SHF: variants seen among roughly 807,000 people sequenced by gnomAD.
The protein encoded by SHF is SH2 domain-containing adapter protein F.
A neutral mutation model predicts 42.4 loss-of-function variants in SHF; 30 were observed. That is an observed-to-expected ratio of 0.71 (90% CI 0.53 to 0.96). SHF has a LOEUF of 0.96. SHF is among the 40% of genes least tolerant of loss of function. The pLI is 0.00. For synonymous variants in SHF, 264 were observed against 269.9 expected (o/e 0.98, Z 0.21); for missense variants, 598 against 634.0 (o/e 0.94, Z 0.61).
At chr15:45,196,601 A>G (rs557606501) in intron 2 of SHF, among the ~76,000 whole-genome samples, 10 of 151,974 alleles carry the variant, frequency 6.6e-5, no homozygotes, top group African/African-American at 1.9e-4. Flanking sequence ...TCCTTACTAT[A>G]GAGTTAAGAG....
In SHF at chr15:45,170,663, T is replaced by C. The variant is rs1897433168; in HGVS notation, c.1280+1220A>G. ...TCTTTTTCTTTTTTTTTTTTTTTTT[T>C]TTCTGAGACAGAGTCTTGCTGTTGT... On this transcript the variant is annotated intron_variant, in intron 6 of 6. Coordinates refer to ENST00000690270, the MANE Select transcript of SHF (RefSeq NM_001394037.1). 14 of 333,494 alleles carry C rather than the reference T, an allele frequency of 4.2e-5. 1 individual carries two copies. Among genetic ancestry groups the C allele is most frequent in the Middle Eastern group, 1.1e-3 (1 of 948 alleles). 20.7% of individuals were successfully genotyped at this position (333,494 alleles called of 1,614,324 possible).
At chr15:45,171,840 C>T (rs1246393132) in intron 6 of SHF, 43 bp downstream of exon 6, 1 of 1,595,524 alleles carries the variant, frequency 6.3e-7, no homozygotes, top group Non-Finnish European at 8.6e-7. Flanking sequence ...AGTCCCCTTC[C>T]ACCCTGCTTG....
intron 2 of SHF, among the ~76,000 whole-genome samples, chr15:45,177,071 T>C (rs564665989): frequency 4.6e-5 from 7 of 152,224 alleles, no homozygotes; most frequent in Non-Finnish European, 1.0e-4. Context: ...TCTTGACCAC[T>C]CTCTGCCTCC....
At chr15:45,175,880 A>G (rs1897782353) in intron 2 of SHF, among the ~76,000 whole-genome samples, 1 of 146,946 alleles carries the variant, frequency 6.8e-6, no homozygotes, top group Non-Finnish European at 1.5e-5. Flanking sequence ...GTGCAATGGC[A>G]CGATCTCGGC....
intron 1 of SHF, among the ~76,000 whole-genome samples, chr15:45,186,265 G>A (rs1023407714): frequency 6.6e-6 from 1 of 152,258 alleles, no homozygotes; most frequent in African/African-American, 2.4e-5. Flanking sequence ...AAAATAATTT[G>A]CATTCCTGAG....
intron 2 of SHF, chr15:45,198,671 T>A (rs1898958996): frequency 6.8e-7 from 1 of 1,464,538 alleles, no homozygotes; most frequent in Non-Finnish European, 9.2e-7. Flanking sequence ...CACTATACGA[T>A]CACGGCGAGC....
chr15:45,198,775 G>A (rs376955677), exon 2 of SHF: 51 of 1,608,246 alleles, frequency 3.2e-5, no homozygotes, highest in Non-Finnish European at 4.3e-5. Flanking sequence ...TACTTACGGG[G>A]CGAGGTTCCA....
At position 45,199,092 on chromosome 15, in the gene SHF, A is replaced by G. The variant is rs772870057; in HGVS notation, c.-18T>C. 8 of 1,551,134 alleles carry G rather than the reference A, an allele frequency of 5.2e-6. 1 individual carries two copies. Among genetic ancestry groups the G allele is most frequent in the South Asian group, 2.4e-5 (2 of 84,256 alleles). On this transcript the variant is annotated 5_prime_UTR_variant, in exon 2 of 8. Transcript: ENST00000290894. ...TGCTGCATCCTCCAGCGGTGACCCA[A>G]TGCCGCCTCTGTGGAGATTGTGGAC... is the stretch of plus-strand genomic sequence containing the variant.
At chr15:45,194,779 C>A (rs758757297) in intron 2 of SHF, among the ~76,000 whole-genome samples, 30 of 152,152 alleles carry the variant, frequency 2.0e-4, no homozygotes, top group Non-Finnish European at 2.9e-4. Context: ...TTGAAAGAAA[C>A]CTTACTCCTT....
upstream of SHF, among the ~76,000 whole-genome samples, chr15:45,189,063 G>T (rs1454741204): frequency 6.6e-6 from 1 of 151,808 alleles, no homozygotes; most frequent in African/African-American, 2.4e-5. Context: ...TGTGGTGGCG[G>T]GCACCTGTAG....
chr15:45,196,400 C>T (rs562959185), intron 2 of SHF, among the ~76,000 whole-genome samples: 10 of 152,294 alleles, frequency 6.6e-5, no homozygotes, highest in African/African-American at 2.4e-4. Flanking sequence ...GGCTGACTTC[C>T]TCTGAAATAT....
intron 2 of SHF, among the ~76,000 whole-genome samples, chr15:45,196,688 G>C (rs1382073143): frequency 6.6e-6 from 1 of 151,986 alleles, no homozygotes; most frequent in Non-Finnish European, 1.5e-5. Context: ...ACGAGGTCAG[G>C]AGATCGAGAC....
chr15:45,187,922 G>C lies in SHF; in HGVS notation c.30C>G (p.Gly10=). 2.5e-6 allele frequency: 3 copies of C among 1,178,646 alleles called. No individual in the cohort carries two copies. The allele number at this position is 1,178,646 out of a possible 1,614,324, so 73.0% of individuals were successfully genotyped here. MLLSGAPPA[G]SRPGPRTQGS... is the part of the protein sequence containing the mutation. ...CCTGCGTTCGCGGCCCCGGGCGGGA[G>C]CCAGCCGGAGGAGCTCCGCTCAGTA... is the stretch of plus-strand genomic sequence containing the variant. The change falls in exon 1 of 7, where the codon GGC becomes GGG. Residue 10 remains glycine, a synonymous_variant. Transcript: ENST00000690270.
At chr15:45,198,268 C>G (rs1167853027) in intron 2 of SHF, among the ~76,000 whole-genome samples, 1 of 151,142 alleles carries the variant, frequency 6.6e-6, no homozygotes, top group African/African-American at 2.4e-5. Context: ...GGGAGACTGT[C>G]TCAAAAATAA....
chr15:45,188,803 A>G (rs1898608004), upstream of SHF, among the ~76,000 whole-genome samples: 1 of 152,222 alleles, frequency 6.6e-6, no homozygotes, highest in Non-Finnish European at 1.5e-5. Flanking sequence ...AAGTCAATAA[A>G]TCAAGTCTAG....
upstream of SHF, chr15:45,187,991 TGGGGGGCGGGGGCGGGGGTGGGGAGGGGG>T: frequency 1.9e-6 from 1 of 540,384 alleles, no homozygotes; most frequent in Non-Finnish European, 2.1e-6. Context: ...CAGCGGCGGG[TGGGGGGCGGGGGCGGGGGTGGGGAGGGGG>T]GCGGGGCTCC....
Position 45,167,224 on chromosome 15 carries a change from AG to A in SHF, c.*722del. 1 of 152,258 alleles carries A rather than the reference AG, an allele frequency of 6.6e-6. No individual in the cohort carries two copies. Among genetic ancestry groups the A allele is most frequent in the South Asian group, 2.1e-4 (1 of 4,830 alleles). 9.4% of individuals were successfully genotyped at this position (152,258 alleles called of 1,614,324 possible). A position where few individuals can be genotyped will look rare whatever the true frequency, so the allele number is the denominator to read the frequency against. ...TTGATGCTTCGAAAGTGCTTTTCAC[AG>A]CCGGGCTGTGTCTGCTCCAGAGCTG... On this transcript the variant is annotated 3_prime_UTR_variant, in exon 7 of 7. Coordinates refer to ENST00000690270, the MANE Select transcript of SHF (RefSeq NM_001394037.1).
Position 45,187,831 on chromosome 15 carries a change from C to G in SHF, c.121G>C (p.Gly41Arg), listed in dbSNP as rs1002914429. 22 of 965,294 alleles carry G rather than the reference C, an allele frequency of 2.3e-5. No individual in the cohort carries two copies. The South Asian group carries it at 4.0e-4, about 18-fold the overall frequency. 59.8% of individuals were successfully genotyped at this position (965,294 alleles called of 1,614,324 possible). The change falls in exon 1 of 7, where the codon GGG becomes CGG. Residue 41 changes from glycine to arginine, a missense_variant. Gly to Arg is a moderately radical substitution (Grantham distance 125). Around this residue, in one of 2 missense-constraint regions of SHF, gnomAD observed 159 missense variants for 109.3 expected, o/e 1.45. Coordinates refer to ENST00000690270, the MANE Select transcript of SHF (RefSeq NM_001394037.1). ...GAGGAGAGPG[G>R]GGSGGVAKWL... ...TTGGCTACTCCGCCGCTGCCGCCCC[C>G]TCCTGGGCCGGCTCCCGCACCCCCG...
At chr15:45,200,927 T>C (rs748140206) in exon 1 of SHF, 5 of 451,192 alleles carry the variant, frequency 1.1e-5, no homozygotes, top group Non-Finnish European at 2.2e-5. Flanking sequence ...AGGAATCCTT[T>C]GGTTGCAAAG....
Sources: gnomAD v4.1 joint callset for allele counts (sites outside exome capture counted in the v4.1 genomes callset) on GRCh38, gnomAD v4.1.1 for gene constraint, gnomAD v4.1.1 regional missense constraint, MANE v1.5 for transcripts, NCBI Gene and HGNC (gene_info 2026-07-23, HGNC 2026-07-21) for gene names.